Variants in ZDHHC14 observed in about 807,000 individuals in gnomAD.
ZDHHC14 encodes the protein palmitoyltransferase ZDHHC14.
ZDHHC14 carries 16 observed loss-of-function variants against 47.7 expected under a neutral mutation model. That is an observed-to-expected ratio of 0.34 (90% CI 0.23 to 0.51). The LOEUF (loss-of-function observed/expected upper bound fraction) is 0.51. Among genes scored for constraint, ZDHHC14 ranks in the 20% least tolerant of loss-of-function variants. The pLI, the probability that ZDHHC14 is intolerant of heterozygous loss-of-function variation, is 0.97. For synonymous variants in ZDHHC14, 293 were observed against 278.9 expected, an observed-to-expected ratio of 1.05 and a Z score of -0.50; for missense variants, 515 against 662.5, an observed-to-expected ratio of 0.78 and a Z score of 2.44.
intron 1 of ZDHHC14, among the ~76,000 whole-genome samples, chr6:157,510,820 A>T (rs543424812): frequency 6.6e-6 from 1 of 152,294 alleles, no homozygotes; most frequent in East Asian, 1.9e-4. Flanking sequence ...GCGCCCAGGG[A>T]TGGCCACCAG....
At chr6:157,574,810 C>A (rs559240123) in intron 2 of ZDHHC14, among the ~76,000 whole-genome samples, 1 of 152,350 alleles carries the variant, frequency 6.6e-6, no homozygotes, top group East Asian at 1.9e-4. Context: ...TAGATCCATT[C>A]TTTCTTCCCT....
At chr6:157,618,001 A>G (rs554314360) in intron 3 of ZDHHC14, among the ~76,000 whole-genome samples, 5 of 152,328 alleles carry the variant, frequency 3.3e-5, no homozygotes, top group South Asian at 2.1e-4. Flanking sequence ...AAGACCCGTA[A>G]TTTCTAGAGA....
intron 1 of ZDHHC14, among the ~76,000 whole-genome samples, chr6:157,442,530 C>G (rs1025878420): frequency 2.0e-4 from 31 of 152,138 alleles, no homozygotes; most frequent in Non-Finnish European, 4.3e-4. Flanking sequence ...AACTCTAAGC[C>G]CCGCTCTCCC....
At chr6:157,406,378 G>A (rs1029386614) in intron 1 of ZDHHC14, among the ~76,000 whole-genome samples, 1 of 152,258 alleles carries the variant, frequency 6.6e-6, no homozygotes, top group Non-Finnish European at 1.5e-5. Context: ...CTCAGATTGA[G>A]GTTATGATGT....
In ZDHHC14 at chr6:157,664,085, A is replaced by G. The variant is rs566391909; in HGVS notation, c.1069-8639A>G. Among the ~76,000 whole-genome samples the G allele has an allele frequency of 5.3e-5, 8 of 152,200 alleles. No individual in the cohort carries two copies. In the South Asian group the frequency reaches 1.5e-3, roughly 28 times the overall value. On this transcript the variant is annotated intron_variant, in intron 8 of 8. Transcript: ENST00000359775. ...CACACCCTTTCAGTCCCCACAACCC[A>G]TTATCCTTACCCACGCTCCCCTGTG...
intron 2 of ZDHHC14, among the ~76,000 whole-genome samples, chr6:157,548,596 G>A (rs987758790): frequency 2.6e-5 from 4 of 152,136 alleles, no homozygotes; most frequent in Admixed American, 6.5e-5. Context: ...ACAGGCATGC[G>A]CCACTATTCC....
At chr6:157,574,933 T>C (rs1055046039) in intron 2 of ZDHHC14, among the ~76,000 whole-genome samples, 5 of 152,234 alleles carry the variant, frequency 3.3e-5, no homozygotes, top group African/African-American at 1.2e-4. Context: ...CAGTGCTCTC[T>C]AGAGAAATAC....
intron 8 of ZDHHC14, among the ~76,000 whole-genome samples, chr6:157,671,473 G>C (rs1290388255): frequency 6.6e-6 from 1 of 152,176 alleles, no homozygotes; most frequent in Non-Finnish European, 1.5e-5. Flanking sequence ...TCAAAACACT[G>C]CTCCTGAATC....
intron 1 of ZDHHC14, among the ~76,000 whole-genome samples, chr6:157,451,183 T>TA (rs1778795943): frequency 6.6e-6 from 1 of 152,202 alleles, no homozygotes; most frequent in South Asian, 2.1e-4. Context: ...CTTCAGAGCT[T>TA]ACAGATGCTA....
At chr6:157,575,966 C>A (rs1466323332) in intron 2 of ZDHHC14, among the ~76,000 whole-genome samples, 1 of 152,230 alleles carries the variant, frequency 6.6e-6, no homozygotes, top group Admixed American at 6.5e-5. Flanking sequence ...CGCCCTGGCC[C>A]TGGCCTCCCC....
chr6:157,673,074 C>A lies in ZDHHC14; in HGVS notation c.1419C>A (p.Ser473=). The part of the protein sequence containing the change: ...MHVLGLASQD[S]LHEDSVRGLV... The stretch of plus-strand genomic sequence containing the variant: ...TGCTGGGCCTGGCCAGCCAGGACTC[C>A]CTGCATGAGGACTCTGTGCGCGGCC... The change falls in exon 9 of 9, where the codon TCC becomes TCA. Residue 473 remains serine (S), a synonymous_variant. Coordinates refer to ENST00000359775, the MANE Select transcript of ZDHHC14 (RefSeq NM_024630.3). This position sits in a 1 kb window ranked among gnomAD's most constrained non-coding sequence, Gnocchi z 5.4. 6.4e-7 allele frequency: 1 copy of A among 1,572,742 alleles called. No homozygotes were observed.
intron 1 of ZDHHC14, among the ~76,000 whole-genome samples, chr6:157,520,138 T>G (rs1006033895): frequency 3.4e-4 from 52 of 152,282 alleles, no homozygotes; most frequent in Non-Finnish European, 4.4e-4. Context: ...GGTGTCACTG[T>G]GTTCCATCCT....
At chr6:157,558,425 C>T (rs1001529070) in intron 2 of ZDHHC14, among the ~76,000 whole-genome samples, 17 of 152,130 alleles carry the variant, frequency 1.1e-4, no homozygotes, top group Admixed American at 9.2e-4. Context: ...ACAGGTAGGC[C>T]GTTCAGTGAC....
rs184867304 is a variant in ZDHHC14, at chr6:157,621,992, G to A, written c.566-6357G>A. The stretch of plus-strand genomic sequence containing the variant: ...TCCGCTGTCAGATATGGATTATAGC[G>A]CCTACCCCCAGGGCTGCTGTCAAGT... On this transcript the variant is annotated intron_variant, in intron 3 of 8. Transcript: ENST00000359775. Among the ~76,000 whole-genome samples, 50 of 152,160 alleles carry A rather than the reference G, an allele frequency of 3.3e-4. No individual in the cohort carries two copies. The East Asian group carries it at 6.8e-3, about 21-fold the overall frequency.
chr6:157,619,650 AG>A (rs541390881), intron 3 of ZDHHC14, among the ~76,000 whole-genome samples: 106 of 152,218 alleles, frequency 7.0e-4, no homozygotes, highest in African/African-American at 2.5e-3. Context: ...TGTAGCATAA[AG>A]GTCACAGCAG....
At chr6:157,568,567 T>G (rs943803198) in intron 2 of ZDHHC14, among the ~76,000 whole-genome samples, 1 of 152,068 alleles carries the variant, frequency 6.6e-6, no homozygotes. Flanking sequence ...GACATTGAAG[T>G]TGATTCCAGT....
At chr6:157,465,725 T>A (rs1258846870) in intron 1 of ZDHHC14, among the ~76,000 whole-genome samples, 1 of 152,116 alleles carries the variant, frequency 6.6e-6, no homozygotes, top group African/African-American at 2.4e-5. Context: ...CCTTGGTCAC[T>A]CTCCAGAGGT....
intron 8 of ZDHHC14, 86 bp from the exon 9 acceptor site, chr6:157,672,638 G>GGC: frequency 7.4e-6 from 1 of 134,816 alleles, no homozygotes; most frequent in East Asian, 3.7e-4. Context: ...CACCCTCCCC[G>GGC]CCCGTGCCCT....
At chr6:157,614,081 GC>G (rs1043393587) in intron 3 of ZDHHC14, among the ~76,000 whole-genome samples, 3 of 152,242 alleles carry the variant, frequency 2.0e-5, no homozygotes, top group South Asian at 2.1e-4. Flanking sequence ...CTCTTGGCAA[GC>G]CCCCCCACCG....
Sources: gnomAD v4.1 joint callset for allele counts (sites outside exome capture counted in the v4.1 genomes callset) on GRCh38, gnomAD v4.1.1 for gene constraint, Gnocchi (gnomAD v3.1) non-coding constraint, MANE v1.5 for transcripts, NCBI Gene and HGNC (gene_info 2026-07-23, HGNC 2026-07-21) for gene names.